The following PLCXD3 variants were observed in gnomAD, a reference collection of about 807,000 sequenced individuals.
PLCXD3 encodes the protein PI-PLC X domain-containing protein 3.
Under a neutral mutation model 25.5 loss-of-function variants are expected in PLCXD3, and 19 were observed. The ratio of observed to expected loss-of-function variants is 0.75; its 90% CI spans 0.52 to 1.09. The LOEUF is 1.09. Among genes scored for constraint, PLCXD3 ranks in the 50% least tolerant of loss-of-function variants. The pLI is 0.00. For missense variants in PLCXD3, 411 were observed against 388.1 expected (o/e 1.06, Z -0.50); for synonymous variants, 174 against 137.6 (o/e 1.26, Z -1.85).
rs115407267 is a variant in PLCXD3, at chr5:41,429,617, C to A, written c.104-47083G>T. Among the ~76,000 whole-genome samples the A allele has an allele frequency of 7.4e-3, 1,118 of 151,980 alleles. 3 individuals are homozygous for A. The highest frequency in any genetic ancestry group is 0.011 in the Non-Finnish European group (747 of 67,976). On this transcript the variant is annotated intron_variant, in intron 1 of 2. Coordinates refer to ENST00000377801, the MANE Select transcript of PLCXD3 (RefSeq NM_001005473.3). Reference sequence around the variant, plus strand: ...ATGTGGATATGTATTAATATGATTTCAAATAAAAAGGCACAGTTGGTTTAT... The same window carrying A: ...ATGTGGATATGTATTAATATGATTTAAAATAAAAAGGCACAGTTGGTTTAT...
chr5:41,378,686 T>A (rs1163729321), intron 2 of PLCXD3, among the ~76,000 whole-genome samples: 1 of 152,082 alleles, frequency 6.6e-6, no homozygotes, highest in African/African-American at 2.4e-5. Flanking sequence ...TTAAATAGGA[T>A]TCATCACTAA....
intron 1 of PLCXD3, among the ~76,000 whole-genome samples, chr5:41,471,308 C>T (rs1458272380): frequency 1.3e-5 from 2 of 152,192 alleles, no homozygotes; most frequent in African/African-American, 4.8e-5. Flanking sequence ...TCATCCCCAG[C>T]AGCATCTGGG....
chr5:41,441,324 G>C (rs903987275), intron 1 of PLCXD3, among the ~76,000 whole-genome samples: 1 of 152,162 alleles, frequency 6.6e-6, no homozygotes, highest in East Asian at 1.9e-4. Context: ...ACTGAGATGC[G>C]ACTCTAACAG....
chr5:41,356,764 A>G (rs879363609), intron 2 of PLCXD3, among the ~76,000 whole-genome samples: 1 of 152,158 alleles, frequency 6.6e-6, no homozygotes, highest in Non-Finnish European at 1.5e-5. Context: ...AAGATAAAAC[A>G]CGTATTTTCC....
intron 1 of PLCXD3, among the ~76,000 whole-genome samples, chr5:41,403,408 T>TGTTTTG (rs1554047967): frequency 3.8e-5 from 1 of 26,230 alleles, no homozygotes; most frequent in Non-Finnish European, 9.4e-5. Flanking sequence ...GTTGTTTTTT[T>TGTTTTG]TTTTTTTTAT....
chr5:41,348,452 T>A (rs1744362722), intron 2 of PLCXD3, among the ~76,000 whole-genome samples: 1 of 152,118 alleles, frequency 6.6e-6, no homozygotes, highest in African/African-American at 2.4e-5. Context: ...AAAAAAACAT[T>A]CCTGGTAATA....
intron 1 of PLCXD3, among the ~76,000 whole-genome samples, chr5:41,487,058 C>T (rs886265985): frequency 6.6e-6 from 1 of 151,970 alleles, no homozygotes; most frequent in Non-Finnish European, 1.5e-5. Context: ...TCTGAAGGCA[C>T]GGTCCAATCT....
rs577074269 is a variant in PLCXD3 at position 41,460,736 on chromosome 5, T to C, written c.103+49688A>G. On this transcript the variant is annotated intron_variant, in intron 1 of 2. Transcript: ENST00000377801. ...ATGCAATTTTACTTGAAATCTTTGA[T>C]ACTTAGATTTCACATATTTTCACCA... Among the ~76,000 whole-genome samples the C allele has an allele frequency of 1.3e-5, 2 of 152,058 alleles. 1 individual carries two copies. The highest frequency in any genetic ancestry group is 4.8e-5 in the African/African-American group (2 of 41,436).
intron 1 of PLCXD3, among the ~76,000 whole-genome samples, chr5:41,403,412 T>TTG (rs1746259323): frequency 7.2e-5 from 3 of 41,768 alleles, no homozygotes; most frequent in Admixed American, 2.2e-4. Flanking sequence ...TTTTTTTTTT[T>TTG]TTTTATTATA....
chr5:41,508,618 C>G (rs1015765731), intron 1 of PLCXD3, among the ~76,000 whole-genome samples: 5 of 152,106 alleles, frequency 3.3e-5, no homozygotes, highest in Non-Finnish European at 7.4e-5. Context: ...AAGGTAGACT[C>G]AAAAAGATAT....
Position 41,510,580 on chromosome 5 carries a change from A to C in PLCXD3, c.-54T>G. 7.0e-7 allele frequency: 1 copy of C among 1,427,154 alleles called. No homozygotes were observed. Among genetic ancestry groups the C allele is most frequent in the South Asian group, 1.2e-5 (1 of 83,698 alleles). The allele number at this position is 1,427,154 out of a possible 1,614,324, so 88.4% of individuals were successfully genotyped here. A position where few individuals can be genotyped will look rare whatever the true frequency, so the allele number is the denominator to read the frequency against. On this transcript the variant is annotated 5_prime_UTR_variant, in exon 1 of 3. Coordinates refer to ENST00000377801, the MANE Select transcript of PLCXD3 (RefSeq NM_001005473.3). The stretch of plus-strand genomic sequence containing the variant: ...CCCAGCACTCCTCGGGCAGGCTGGC[A>C]GGCTGCTGCCGCTAATCCAATGTTT...
intron 2 of PLCXD3, among the ~76,000 whole-genome samples, chr5:41,358,165 A>T (rs1266561281): frequency 6.6e-6 from 1 of 152,204 alleles, no homozygotes; most frequent in African/African-American, 2.4e-5. Flanking sequence ...GATAGGTTGA[A>T]TTTTATTTTA....
intron 2 of PLCXD3, among the ~76,000 whole-genome samples, chr5:41,319,321 C>A (rs753327942): frequency 6.6e-6 from 1 of 152,076 alleles, no homozygotes; most frequent in Non-Finnish European, 1.5e-5. Flanking sequence ...TTTTTTTCCT[C>A]AGCGCATGGA....
At chr5:41,497,804 A>T (rs1748872609) in intron 1 of PLCXD3, among the ~76,000 whole-genome samples, 3 of 151,906 alleles carry the variant, frequency 2.0e-5, no homozygotes, top group African/African-American at 7.2e-5. Flanking sequence ...TAACAAATTT[A>T]AGAGTATTGA....
chr5:41,482,295 C>CTGGATGAAT (rs1748430262), intron 1 of PLCXD3, among the ~76,000 whole-genome samples: 1 of 152,048 alleles, frequency 6.6e-6, no homozygotes, highest in Non-Finnish European at 1.5e-5. Context: ...ATGAATGAGT[C>CTGGATGAAT]CCAAATCCAA....
chr5:41,354,261 C>T (rs1182817750), intron 2 of PLCXD3, among the ~76,000 whole-genome samples: 1 of 152,144 alleles, frequency 6.6e-6, no homozygotes, highest in African/African-American at 2.4e-5. Flanking sequence ...GCTCTTCTAT[C>T]CAAGCAGACT....
intron 1 of PLCXD3, among the ~76,000 whole-genome samples, chr5:41,424,204 T>C (rs1338723661): frequency 6.6e-6 from 1 of 152,158 alleles, no homozygotes; most frequent in Non-Finnish European, 1.5e-5. Context: ...TAGATGATTA[T>C]ATTATTACTT....
rs748347243 is a variant in PLCXD3 at position 41,382,437 on chromosome 5, A to G, written c.201T>C (p.Thr67=). 15 of 1,613,342 alleles carry G rather than the reference A, an allele frequency of 9.3e-6. No homozygotes were observed. The highest frequency in any genetic ancestry group is 5.0e-5 in the Admixed American group (3 of 59,916). Residue 67 remains threonine (T), a synonymous_variant, in exon 2 of 3, where the codon ACT becomes ACC. Coordinates refer to ENST00000377801, the MANE Select transcript of PLCXD3 (RefSeq NM_001005473.3). The part of the protein sequence containing the change: ...TVQNFVSVFG[T]VAKKLMRKWL... ...ATTTCCGCATGAGCTTTTTGGCCACAGTTCCAAACACAGAGACAAAATTCT... is the reference window on the plus strand; with the variant it reads ...ATTTCCGCATGAGCTTTTTGGCCACGGTTCCAAACACAGAGACAAAATTCT...
chr5:41,462,511 A>C (rs558825324), intron 1 of PLCXD3, among the ~76,000 whole-genome samples: 114 of 152,166 alleles, frequency 7.5e-4, no homozygotes, highest in African/African-American at 2.4e-3. Flanking sequence ...CCTCATCTAA[A>C]GTGAGTAGAG....
Sources: gnomAD v4.1 joint callset for allele counts (sites outside exome capture counted in the v4.1 genomes callset) on GRCh38, gnomAD v4.1.1 for gene constraint, MANE v1.5 for transcripts, NCBI Gene and HGNC (gene_info 2026-07-23, HGNC 2026-07-21) for gene names.